SVIL: variants seen among roughly 807,000 people sequenced by gnomAD.
The protein encoded by SVIL is supervillin, also known as archvillin.
In SVIL, 101 loss-of-function variants were observed where a neutral mutation model predicts 240.4. The observed-to-expected ratio is 0.42, with a 90% confidence interval of 0.36 to 0.50. The LOEUF (loss-of-function observed/expected upper bound fraction) is 0.50, where lower values mean the gene tolerates loss of function less well. Ranked by LOEUF, SVIL falls within the 20% of genes least tolerant of loss-of-function variation. The probability of loss-of-function intolerance (pLI) is 0.01; values close to 1 mark genes in which losing one functional copy is unlikely to be tolerated. For missense variants in SVIL, 2,512 were observed against 2,818.7 expected, an observed-to-expected ratio of 0.89 and a Z score of 2.46; for synonymous variants, 999 against 1,100.0, an observed-to-expected ratio of 0.91 and a Z score of 1.82.
chr10:29,603,729 T>C (rs1956901797), intron 1 of SVIL, among the ~76,000 whole-genome samples: 1 of 152,226 alleles, frequency 6.6e-6, no homozygotes, highest in Admixed American at 6.5e-5. Flanking sequence ...CCGGCCAGAC[T>C]ACATTCTGAA....
At chr10:29,725,544 C>T (rs1026230910) in intron 1 of SVIL, among the ~76,000 whole-genome samples, 3 of 152,112 alleles carry the variant, frequency 2.0e-5, no homozygotes, top group African/African-American at 7.2e-5. Flanking sequence ...ACGAGGGGTT[C>T]ATTTAAAGAA....
At chr10:29,680,785 G>T (rs1302547116) in intron 2 of SVIL, among the ~76,000 whole-genome samples, 1 of 152,102 alleles carries the variant, frequency 6.6e-6, no homozygotes, top group Admixed American at 6.5e-5. Flanking sequence ...TGGGCGTAGT[G>T]GTGTGTGCCT....
intron 6 of SVIL, among the ~76,000 whole-genome samples, chr10:29,540,108 TAGCAGCC>T (rs1386819671): frequency 6.6e-6 from 1 of 152,180 alleles, no homozygotes; most frequent in African/African-American, 2.4e-5. Flanking sequence ...ATCTTCCGCT[TAGCAGCC>T]AGCATAATGC....
chr10:29,524,964 CT>C (rs1331693814), intron 13 of SVIL, among the ~76,000 whole-genome samples: 1 of 152,070 alleles, frequency 6.6e-6, no homozygotes, highest in East Asian at 1.9e-4. Context: ...AACGAATTTC[CT>C]GTTTAAGACA....
intron 2 of SVIL, among the ~76,000 whole-genome samples, chr10:29,670,466 C>A (rs1329752254): frequency 6.6e-6 from 1 of 152,204 alleles, no homozygotes; most frequent in Non-Finnish European, 1.5e-5. Flanking sequence ...TGGGTATTTT[C>A]TGTCACATTT....
At chr10:29,570,404 G>T (rs1955336351) in intron 1 of SVIL, among the ~76,000 whole-genome samples, 1 of 152,178 alleles carries the variant, frequency 6.6e-6, no homozygotes, top group Admixed American at 6.5e-5. Context: ...GATGTATAAT[G>T]GCTGAGTTTC....
At chr10:29,566,842 C>T (rs2132709682) in intron 2 of SVIL, among the ~76,000 whole-genome samples, 1 of 152,152 alleles carries the variant, frequency 6.6e-6, no homozygotes, top group East Asian at 1.9e-4. Flanking sequence ...CCTTCCTCCT[C>T]AGTCACCCCT....
rs144068510 is a variant in SVIL, at chr10:29,623,667, G to A, written c.-201+10753C>T. On this transcript the variant is annotated intron_variant, in intron 1 of 37. Transcript: ENST00000355867. ...AGATTGAGACCATCCTGGCTAACAC[G>A]GGGAAACCCCATCTCTACTAAAAAT... Among the ~76,000 whole-genome samples the A allele has an allele frequency of 2.0e-3, 311 of 152,276 alleles. 2 individuals carry two copies. The highest frequency in any genetic ancestry group is 7.1e-3 in the African/African-American group (295 of 41,554).
intron 6 of SVIL, among the ~76,000 whole-genome samples, chr10:29,549,855 C>G (rs1266767309): frequency 8.9e-6 from 1 of 112,384 alleles, no homozygotes; most frequent in Non-Finnish European, 1.7e-5. Flanking sequence ...GGGAACATCA[C>G]ACTCTGGGGA....
intron 1 of SVIL, among the ~76,000 whole-genome samples, chr10:29,610,648 T>G (rs1281880858): frequency 2.0e-5 from 3 of 152,066 alleles, no homozygotes; most frequent in African/African-American, 7.2e-5. Flanking sequence ...CTCAAACTCT[T>G]GGCCTCAAAT....
At chr10:29,591,659 T>C (rs1306242405) in intron 1 of SVIL, among the ~76,000 whole-genome samples, 3 of 152,212 alleles carry the variant, frequency 2.0e-5, no homozygotes, top group Admixed American at 1.3e-4. Context: ...TTTAAAAAAC[T>C]GACAGCCTGA....
Position 29,586,502 on chromosome 10 carries a change from G to A in SVIL, c.-200-17190C>T, listed in dbSNP as rs1338695812. ...TCCACTTAGCTCACTTGTGGCAGCCGTGGAACGCAGGTCCCTTGGCTCCTA... is the reference window on the plus strand; with the variant it reads ...TCCACTTAGCTCACTTGTGGCAGCCATGGAACGCAGGTCCCTTGGCTCCTA... On this transcript the variant is annotated intron_variant, in intron 1 of 37. Transcript: ENST00000355867. 6.6e-5 allele frequency among the ~76,000 whole-genome samples: 10 copies of A among 152,166 alleles called. No homozygotes were observed. In the East Asian group the frequency reaches 7.7e-4, roughly 12 times the overall value.
At chr10:29,714,948 TAAAA>T (rs61107910) in intron 1 of SVIL, among the ~76,000 whole-genome samples, 2 of 78,476 alleles carry the variant, frequency 2.5e-5, no homozygotes, top group Non-Finnish European at 5.2e-5. Context: ...TGTCTGAAAT[TAAAA>T]AAAAAAAAAA....
At chr10:29,613,695 G>C (rs1957332921) in intron 1 of SVIL, among the ~76,000 whole-genome samples, 1 of 152,118 alleles carries the variant, frequency 6.6e-6, no homozygotes, top group African/African-American at 2.4e-5. Flanking sequence ...ATGATGATCT[G>C]TTCCAAACCC....
At chr10:29,480,225 A>G (rs545332457) in intron 29 of SVIL, among the ~76,000 whole-genome samples, 5 of 152,222 alleles carry the variant, frequency 3.3e-5, no homozygotes, top group Non-Finnish European at 7.4e-5. Flanking sequence ...TTAGAGGCCA[A>G]TCATCTCTTT....
intron 1 of SVIL, among the ~76,000 whole-genome samples, chr10:29,696,319 C>T (rs1327310992): frequency 6.6e-6 from 1 of 152,112 alleles, no homozygotes; most frequent in Non-Finnish European, 1.5e-5. Flanking sequence ...CACCTCCCAG[C>T]CGCCTGCCTT....
chr10:29,528,793 A>T (rs1457732889), intron 12 of SVIL, among the ~76,000 whole-genome samples: 2 of 152,200 alleles, frequency 1.3e-5, no homozygotes, highest in African/African-American at 4.8e-5. Context: ...TGATTGAAGC[A>T]ATGATCTCTG....
chr10:29,624,534 A>G (rs1957792378), intron 1 of SVIL, among the ~76,000 whole-genome samples: 1 of 152,242 alleles, frequency 6.6e-6, no homozygotes, highest in Non-Finnish European at 1.5e-5. Context: ...TTCGTCTCAA[A>G]AACAAAACAA....
intron 1 of SVIL, among the ~76,000 whole-genome samples, chr10:29,622,107 G>A (rs1005415831): frequency 1.8e-4 from 27 of 151,046 alleles, no homozygotes; most frequent in African/African-American, 6.1e-4. Context: ...AAAATTAGCC[G>A]GGCGTGGTGG....
Sources: allele counts gnomAD v4.1 joint callset (sites outside exome capture counted in the v4.1 genomes callset), GRCh38; gene constraint gnomAD v4.1.1; transcripts MANE v1.5; gene names NCBI Gene and HGNC (gene_info 2026-07-23, HGNC 2026-07-21).